The following ENOX1 variants were observed in gnomAD, a reference collection of about 807,000 sequenced individuals.
ENOX1 encodes candidate growth-related and time keeping constitutive hydroquinone (NADH) oxidase.
In ENOX1, 42 loss-of-function variants were observed where a neutral mutation model predicts 82.5. The ratio of observed to expected loss-of-function variants is 0.51; its 90% CI spans 0.40 to 0.66. The LOEUF (loss-of-function observed/expected upper bound fraction) is 0.66. Ranked by LOEUF, ENOX1 falls within the 30% of genes least tolerant of loss-of-function variation. ENOX1 has a pLI of 0.00. For synonymous variants in ENOX1, 271 were observed against 282.2 expected (o/e 0.96, Z 0.40); for missense variants, 608 against 811.6 (o/e 0.75, Z 3.05).
chr13:43,725,018 A>G (rs2088843191), intron 1 of ENOX1, among the ~76,000 whole-genome samples: 1 of 152,166 alleles, frequency 6.6e-6, no homozygotes, highest in Non-Finnish European at 1.5e-5. Context: ...CCTCCACGGA[A>G]TACCCTGTTA....
intron 2 of ENOX1, among the ~76,000 whole-genome samples, chr13:43,556,918 G>T (rs1401682512): frequency 6.6e-6 from 1 of 152,234 alleles, no homozygotes. Context: ...CCAGGGAAGG[G>T]ACTAGGGGAG....
chr13:43,651,963 T>C (rs1347810613), intron 2 of ENOX1, among the ~76,000 whole-genome samples: 1 of 99,740 alleles, frequency 1.0e-5, no homozygotes, highest in African/African-American at 3.6e-5. Context: ...AGAGTGAAAC[T>C]TCGTCTCAAA....
chr13:43,641,529 ATTTTTTTTT>A (rs769737189), intron 2 of ENOX1, among the ~76,000 whole-genome samples: 6 of 83,094 alleles, frequency 7.2e-5, no homozygotes, highest in Admixed American at 2.0e-4. Context: ...TTAATTTTTA[ATTTTTTTTT>A]TTTTTTTTTT....
intron 2 of ENOX1, among the ~76,000 whole-genome samples, chr13:43,624,054 A>T (rs1049096968): frequency 2.0e-5 from 3 of 152,198 alleles, no homozygotes; most frequent in African/African-American, 7.2e-5. Context: ...CCAGCAATGT[A>T]GGGATTTAGT....
intron 2 of ENOX1, among the ~76,000 whole-genome samples, chr13:43,560,631 G>A (rs1349870093): frequency 6.6e-6 from 1 of 152,112 alleles, no homozygotes; most frequent in Admixed American, 6.6e-5. Flanking sequence ...CCCATCATCT[G>A]TCATGTGTAC....
At chr13:43,541,048 A>G (rs2078685154) in intron 2 of ENOX1, among the ~76,000 whole-genome samples, 1 of 151,798 alleles carries the variant, frequency 6.6e-6, no homozygotes, top group African/African-American at 2.4e-5. Context: ...ATACTTATAG[A>G]CCATTTATCA....
At chr13:43,747,224 T>G (rs746671331) in intron 1 of ENOX1, among the ~76,000 whole-genome samples, 2 of 152,202 alleles carry the variant, frequency 1.3e-5, no homozygotes, top group Admixed American at 6.5e-5. Context: ...GCTCCATGCC[T>G]GGGACATAGT....
At chr13:43,249,970 A>G (rs1215524653) in intron 14 of ENOX1, among the ~76,000 whole-genome samples, 1 of 152,228 alleles carries the variant, frequency 6.6e-6, no homozygotes, top group Non-Finnish European at 1.5e-5. Context: ...TTCTGATTAT[A>G]AACCAAATAA....
chr13:43,745,736 G>T (rs112526232), intron 1 of ENOX1, among the ~76,000 whole-genome samples: 1 of 152,164 alleles, frequency 6.6e-6, no homozygotes, highest in African/African-American at 2.4e-5. Flanking sequence ...GATGTCGTGG[G>T]AGGGACCCAG....
At chr13:43,511,935 AT>A (rs1428083989) in intron 2 of ENOX1, among the ~76,000 whole-genome samples, 2 of 152,132 alleles carry the variant, frequency 1.3e-5, no homozygotes, top group Non-Finnish European at 2.9e-5. Context: ...ATACTTATGT[AT>A]ATTATGTATA....
At chr13:43,458,135 G>A (rs1019987247) in intron 3 of ENOX1, among the ~76,000 whole-genome samples, 3 of 151,976 alleles carry the variant, frequency 2.0e-5, no homozygotes, top group Non-Finnish European at 4.4e-5. Context: ...TAACTATGTT[G>A]TCAACAACAT....
chr13:43,679,698 T>C (rs910599979), intron 1 of ENOX1, among the ~76,000 whole-genome samples: 9 of 152,182 alleles, frequency 5.9e-5, no homozygotes, highest in Non-Finnish European at 8.8e-5. Flanking sequence ...TATTCTATGA[T>C]CTAATACTCC....
chr13:43,546,306 G>A (rs1015874460), intron 2 of ENOX1: 4 of 152,280 alleles, frequency 2.6e-5, no homozygotes, highest in African/African-American at 9.7e-5. Flanking sequence ...AAAAAGTAAA[G>A]GAAGAGAAAG....
intron 1 of ENOX1, among the ~76,000 whole-genome samples, chr13:43,710,561 A>G (rs1036764865): frequency 6.6e-6 from 1 of 152,180 alleles, no homozygotes; most frequent in African/African-American, 2.4e-5. Context: ...GGCCAACACT[A>G]TGAGAAAACA....
intron 12 of ENOX1, among the ~76,000 whole-genome samples, chr13:43,290,322 C>T (rs2045928094): frequency 6.6e-6 from 1 of 151,990 alleles, no homozygotes; most frequent in Admixed American, 6.6e-5. Context: ...ACAGAAGCAA[C>T]CTAGGTGCCC....
chr13:43,567,569 C>T (rs1369048502), intron 2 of ENOX1, among the ~76,000 whole-genome samples: 1 of 151,970 alleles, frequency 6.6e-6, no homozygotes, highest in African/African-American at 2.4e-5. Context: ...CTACATGTGG[C>T]TTGATAATTA....
chr13:43,308,762 A>G (rs776410018), intron 11 of ENOX1, among the ~76,000 whole-genome samples: 1 of 152,208 alleles, frequency 6.6e-6, no homozygotes, highest in Non-Finnish European at 1.5e-5. Flanking sequence ...TCATGTGCAG[A>G]CGGGGCTGTG....
chr13:43,685,788 C>T (rs1465971064), intron 1 of ENOX1, among the ~76,000 whole-genome samples: 1 of 151,652 alleles, frequency 6.6e-6, no homozygotes, highest in Non-Finnish European at 1.5e-5. Flanking sequence ...CATTTGCCTG[C>T]TGGGAGGCAT....
At chr13:43,272,691 C>A (rs1195876398) in intron 12 of ENOX1, among the ~76,000 whole-genome samples, 2 of 151,914 alleles carry the variant, frequency 1.3e-5, no homozygotes, top group Non-Finnish European at 2.9e-5. Flanking sequence ...TGAAGATTTT[C>A]AAAAAAATAC....
Sources: allele counts gnomAD v4.1 joint callset (sites outside exome capture counted in the v4.1 genomes callset), GRCh38; gene constraint gnomAD v4.1.1; transcripts MANE v1.5; gene names NCBI Gene and HGNC (gene_info 2026-07-23, HGNC 2026-07-21).